PTPRD: variants seen among roughly 807,000 people sequenced by gnomAD.
PTPRD encodes protein tyrosine phosphatase receptor type D.
A neutral mutation model predicts 214.5 loss-of-function variants in PTPRD; 34 were observed. The observed-to-expected ratio is 0.16, with a 90% CI of 0.12 to 0.21. The LOEUF is 0.21. PTPRD is among the 10% of genes least tolerant of loss of function. PTPRD has a pLI of 1.00. For missense variants in PTPRD, 2,545 were observed against 2,398.7 expected, an observed-to-expected ratio of 1.06 and a Z score of -1.27; for synonymous variants, 1,128 against 845.7, an observed-to-expected ratio of 1.33 and a Z score of -5.79.
At chr9:10,515,203 C>A (rs557068249) in intron 2 of PTPRD, among the ~76,000 whole-genome samples, 74 of 152,122 alleles carry the variant, frequency 4.9e-4, no homozygotes, top group Non-Finnish European at 9.3e-4. Flanking sequence ...AGTATAACTT[C>A]AACAGATTCT....
At chr9:9,268,359 G>A (rs1594859158) in intron 9 of PTPRD, among the ~76,000 whole-genome samples, 1 of 150,326 alleles carries the variant, frequency 6.7e-6, no homozygotes, top group East Asian at 2.0e-4. Flanking sequence ...GAAAGAAATG[G>A]AAAAAACGCA....
At chr9:9,595,759 T>C (rs896827971) in intron 7 of PTPRD, among the ~76,000 whole-genome samples, 3 of 151,516 alleles carry the variant, frequency 2.0e-5, no homozygotes, top group African/African-American at 7.3e-5. Context: ...TGCAAAGACA[T>C]AAGAATGATA....
At chr9:9,735,530 A>C (rs1443828224) in intron 6 of PTPRD, among the ~76,000 whole-genome samples, 1 of 152,082 alleles carries the variant, frequency 6.6e-6, no homozygotes, top group African/African-American at 2.4e-5. Context: ...TACTGTCAGA[A>C]AATTTAAATT....
intron 3 of PTPRD, among the ~76,000 whole-genome samples, chr9:10,254,814 A>G (rs2093109891): frequency 6.6e-6 from 1 of 152,130 alleles, no homozygotes; most frequent in Non-Finnish European, 1.5e-5. Context: ...TATCATCTGT[A>G]TTTACTCTGG....
At chr9:9,504,698 G>A (rs1045600452) in intron 8 of PTPRD, among the ~76,000 whole-genome samples, 5 of 151,442 alleles carry the variant, frequency 3.3e-5, no homozygotes, top group Non-Finnish European at 7.4e-5. Flanking sequence ...AGTCTGAAAG[G>A]GAGAAACAAA....
intron 9 of PTPRD, among the ~76,000 whole-genome samples, chr9:9,281,360 C>G (rs563769619): frequency 6.6e-6 from 1 of 151,218 alleles, no homozygotes; most frequent in Non-Finnish European, 1.5e-5. Flanking sequence ...TAATAAAAGA[C>G]TGTTATTCAA....
At chr9:10,138,253 T>C (rs368949733) in intron 3 of PTPRD, among the ~76,000 whole-genome samples, 3 of 152,062 alleles carry the variant, frequency 2.0e-5, no homozygotes, top group African/African-American at 4.8e-5. Context: ...AAGGCTACTA[T>C]GAACACCCCT....
intron 2 of PTPRD, among the ~76,000 whole-genome samples, chr9:10,535,039 T>C (rs1165459816): frequency 6.6e-6 from 1 of 152,020 alleles, no homozygotes; most frequent in African/African-American, 2.4e-5. Context: ...AAACAAAGAG[T>C]TGTTTACAGC....
intron 5 of PTPRD, among the ~76,000 whole-genome samples, chr9:9,818,299 A>G (rs1261343728): frequency 6.6e-6 from 1 of 152,100 alleles, no homozygotes; most frequent in African/African-American, 2.4e-5. Context: ...AATGTGTAAA[A>G]TCAAACTTTT....
At chr9:10,339,790 G>A (rs767322230) in intron 3 of PTPRD, among the ~76,000 whole-genome samples, 90 of 151,690 alleles carry the variant, frequency 5.9e-4, no homozygotes, top group Non-Finnish European at 1.0e-3. Context: ...TGATAGCAAT[G>A]TACAGATTAG....
intron 7 of PTPRD, among the ~76,000 whole-genome samples, chr9:9,681,571 T>C (rs570115094): frequency 4.0e-5 from 6 of 151,808 alleles, no homozygotes; most frequent in Admixed American, 1.3e-4. Flanking sequence ...CCCCTCCCCA[T>C]GTGACCTTTT....
rs533498967 is a variant in PTPRD, at chr9:9,363,803, C to T, written c.-203+33646G>A. Among the ~76,000 whole-genome samples, 27 of 151,432 alleles carry T rather than the reference C, an allele frequency of 1.8e-4. No individual in the cohort carries two copies. The South Asian group carries it at 5.6e-3, about 31-fold the overall frequency. ...ATCGATATATTTTTTTCATCAAATA[C>T]ATTTGACAACTGAGGGAACTAAGGT... On this transcript the variant is annotated intron_variant, in intron 9 of 45. Transcript: ENST00000381196.
At chr9:10,366,609 A>G (rs1030926689) in intron 2 of PTPRD, among the ~76,000 whole-genome samples, 2 of 152,176 alleles carry the variant, frequency 1.3e-5, no homozygotes, top group Admixed American at 1.3e-4. Flanking sequence ...CATATTTGTT[A>G]TTTTTGCTAT....
At chr9:8,516,798 C>CTTTTTTTTT (rs71500960) in intron 21 of PTPRD, among the ~76,000 whole-genome samples, 1 of 107,892 alleles carries the variant, frequency 9.3e-6, no homozygotes, top group African/African-American at 3.6e-5. Context: ...CAAGAATAAA[C>CTTTTTTTTT]TTTTTTTTTT....
At chr9:9,780,434 A>G (rs903764372) in intron 5 of PTPRD, among the ~76,000 whole-genome samples, 3 of 152,192 alleles carry the variant, frequency 2.0e-5, no homozygotes, top group Non-Finnish European at 1.5e-5. Flanking sequence ...CAATTTTCAA[A>G]TGGGCAAAGC....
intron 8 of PTPRD, among the ~76,000 whole-genome samples, chr9:9,408,796 C>G (rs2074413893): frequency 6.6e-6 from 1 of 151,692 alleles, no homozygotes; most frequent in Non-Finnish European, 1.5e-5. Context: ...CATAAAACAT[C>G]CCTCATACTG....
chr9:10,599,789 A>G (rs1003746568), intron 2 of PTPRD, among the ~76,000 whole-genome samples: 2 of 151,726 alleles, frequency 1.3e-5, no homozygotes, highest in African/African-American at 4.8e-5. Flanking sequence ...CACTTCTCGA[A>G]GTTTTCATCA....
chr9:8,638,039 G>A (rs950701840), intron 12 of PTPRD, among the ~76,000 whole-genome samples: 2 of 150,152 alleles, frequency 1.3e-5, no homozygotes, highest in African/African-American at 4.9e-5. Flanking sequence ...ACACTTCCTT[G>A]AGTTTTTACA....
chr9:9,838,093 T>C lies in PTPRD; in HGVS notation c.-367-71242A>G, dbSNP rs1000487150. ...TTCATCCATGTCCCTACAAAGGACA[T>C]GAACTCATCATTTTTTATGGCCGCC... On this transcript the variant is annotated intron_variant, in intron 5 of 45. Coordinates refer to ENST00000381196, the MANE Select transcript of PTPRD (RefSeq NM_002839.4). Among the ~76,000 whole-genome samples the C allele has an allele frequency of 3.3e-5, 5 of 152,326 alleles. No homozygotes were observed. The East Asian group carries it at 7.7e-4, about 23-fold the overall frequency.
Sources: allele counts gnomAD v4.1 joint callset (sites outside exome capture counted in the v4.1 genomes callset), GRCh38; gene constraint gnomAD v4.1.1; transcripts MANE v1.5; gene names NCBI Gene and HGNC (gene_info 2026-07-23, HGNC 2026-07-21).